Variants in EPC2 observed in about 807,000 individuals in gnomAD.
EPC2 encodes the protein enhancer of polycomb homolog 2.
A neutral mutation model predicts 92.1 loss-of-function variants in EPC2; 14 were observed. The ratio of observed to expected loss-of-function variants is 0.15; its 90% CI spans 0.10 to 0.24. The LOEUF (loss-of-function observed/expected upper bound fraction) is 0.24, where lower values mean the gene tolerates loss of function less well. Ranked by LOEUF, EPC2 falls within the 10% of genes least tolerant of loss-of-function variation. The pLI is 1.00. For missense variants in EPC2, 755 were observed against 971.5 expected (o/e 0.78, Z 2.96); for synonymous variants, 340 against 334.7 (o/e 1.02, Z -0.17).
At chr2:148,732,422 G>T (rs990206242) in intron 2 of EPC2, among the ~76,000 whole-genome samples, 1 of 143,102 alleles carries the variant, frequency 7.0e-6, no homozygotes, top group Non-Finnish European at 1.5e-5. Context: ...ATTCTGTTGC[G>T]TAGGCTAGAG....
chr2:148,769,281 A>C (rs747318630), intron 8 of EPC2, 41 bp downstream of exon 8: 2 of 1,382,538 alleles, frequency 1.4e-6, no homozygotes. Context: ...TGTGAACTGG[A>C]ATTAACAGGT....
At chr2:148,692,140 C>G in intron 2 of EPC2, 1 of 226,806 alleles carries the variant, frequency 4.4e-6, no homozygotes, top group Non-Finnish European at 8.8e-6. Flanking sequence ...CACCTTCTTT[C>G]ATATTTAACA....
At chr2:148,674,638 A>G (rs1212714110) in intron 1 of EPC2, among the ~76,000 whole-genome samples, 5 of 152,228 alleles carry the variant, frequency 3.3e-5, no homozygotes, top group African/African-American at 1.2e-4. Context: ...AATGTTGGAC[A>G]TAGGTTTCAC....
intron 1 of EPC2, among the ~76,000 whole-genome samples, chr2:148,664,452 C>T (rs775120160): frequency 6.6e-6 from 1 of 152,090 alleles, no homozygotes; most frequent in Non-Finnish European, 1.5e-5. Context: ...GAGTTGTGAT[C>T]GCACCGCTGT....
chr2:148,709,733 C>A (rs918359251), intron 2 of EPC2, among the ~76,000 whole-genome samples: 6 of 152,136 alleles, frequency 3.9e-5, no homozygotes, highest in African/African-American at 1.4e-4. Flanking sequence ...CTGACAAAAA[C>A]AAGCAATGGG....
chr2:148,742,784 C>CAAAAAAAA (rs5835210), intron 2 of EPC2, among the ~76,000 whole-genome samples: 1 of 135,104 alleles, frequency 7.4e-6, no homozygotes, highest in Non-Finnish European at 1.5e-5. Context: ...GACCTTGCCT[C>CAAAAAAAA]AAAAAAAAAA....
intron 4 of EPC2, among the ~76,000 whole-genome samples, chr2:148,761,397 T>C (rs972118305): frequency 6.6e-6 from 1 of 152,212 alleles, no homozygotes; most frequent in African/African-American, 2.4e-5. Flanking sequence ...GGACTCATTT[T>C]GACTGTTACC....
chr2:148,740,168 C>G (rs1682854461), intron 2 of EPC2, among the ~76,000 whole-genome samples: 1 of 150,204 alleles, frequency 6.7e-6, no homozygotes, highest in Admixed American at 6.6e-5. Context: ...AAAAGAATCT[C>G]TTCTTATATT....
At position 148,704,528 on chromosome 2, in the gene EPC2, C is replaced by T. The variant is rs114016032; in HGVS notation, c.313+14155C>T. On this transcript the variant is annotated intron_variant, in intron 2 of 13. Transcript: ENST00000258484. Reference sequence around the variant, plus strand: ...GGGTACTTTTATGCTATATGTATTTCAACACAATAAAAAATGAAAAAGGAA... The same window carrying T: ...GGGTACTTTTATGCTATATGTATTTTAACACAATAAAAAATGAAAAAGGAA... Among the ~76,000 whole-genome samples the T allele has an allele frequency of 5.3e-3, 799 of 152,150 alleles. 7 individuals are homozygous for T. Among genetic ancestry groups the T allele is most frequent in the African/African-American group, 0.019 (769 of 41,492 alleles).
At chr2:148,710,532 A>T (rs1682115363) in intron 2 of EPC2, among the ~76,000 whole-genome samples, 1 of 152,234 alleles carries the variant, frequency 6.6e-6, no homozygotes, top group African/African-American at 2.4e-5. Context: ...TCATGCTACT[A>T]TAAAGACACA....
chr2:148,656,005 G>GTT (rs66536555), intron 1 of EPC2, among the ~76,000 whole-genome samples: 30,177 of 75,956 alleles, frequency 0.4, 6,942 homozygotes, highest in Non-Finnish European at 0.5. Flanking sequence ...TGTTAGCTGT[G>GTT]TGTGTGTGTG....
chr2:148,671,288 T>G (rs1288792890), intron 1 of EPC2, among the ~76,000 whole-genome samples: 3 of 94,492 alleles, frequency 3.2e-5, no homozygotes, highest in Admixed American at 9.0e-5. Flanking sequence ...TGGATTGTGA[T>G]TTTTTTTTTT....
At chr2:148,746,529 A>G (rs1682988088) in intron 3 of EPC2, among the ~76,000 whole-genome samples, 1 of 152,130 alleles carries the variant, frequency 6.6e-6, no homozygotes. Flanking sequence ...TTGATTTAGT[A>G]TCTTCTTTCC....
chr2:148,672,513 G>T (rs1307777598), intron 1 of EPC2, among the ~76,000 whole-genome samples: 1 of 152,084 alleles, frequency 6.6e-6, no homozygotes, highest in Non-Finnish European at 1.5e-5. Context: ...TATTTGTGGT[G>T]TGATCATCAT....
intron 2 of EPC2, among the ~76,000 whole-genome samples, chr2:148,714,381 A>G (rs1203498495): frequency 1.3e-5 from 2 of 152,008 alleles, no homozygotes; most frequent in African/African-American, 4.8e-5. Context: ...ACATGCATTC[A>G]TGTATCTTTA....
intron 2 of EPC2, among the ~76,000 whole-genome samples, chr2:148,718,322 GCTTCATAGGGACTGAT>G (rs1331270667): frequency 2.0e-5 from 3 of 151,900 alleles, no homozygotes; most frequent in Admixed American, 1.3e-4. Context: ...TTATGTGCTT[GCTTCATAGGGACTGAT>G]CTGTGTACTT....
At chr2:148,773,197 G>A (rs1165813941) in intron 10 of EPC2, among the ~76,000 whole-genome samples, 1 of 151,918 alleles carries the variant, frequency 6.6e-6, no homozygotes, top group Non-Finnish European at 1.5e-5. Context: ...GACTTAAATA[G>A]TTCCATTATA....
At chr2:148,712,490 C>T (rs1052191417) in intron 2 of EPC2, among the ~76,000 whole-genome samples, 1 of 152,092 alleles carries the variant, frequency 6.6e-6, no homozygotes, top group Non-Finnish European at 1.5e-5. Context: ...ATAATGGAAC[C>T]GAAAAATTCT....
Position 148,744,427 on chromosome 2 carries a change from C to T in EPC2, c.459+660C>T, listed in dbSNP as rs143382535. Among the ~76,000 whole-genome samples, 630 of 152,120 alleles carry T rather than the reference C, an allele frequency of 4.1e-3. 3 individuals carry two copies. The highest frequency in any genetic ancestry group is 0.015 in the African/African-American group (612 of 41,524). On this transcript the variant is annotated intron_variant, in intron 3 of 13. Coordinates refer to ENST00000258484, the MANE Select transcript of EPC2 (RefSeq NM_015630.4). Reference sequence around the variant, plus strand: ...ATAAATAAGATGTCTCTGAGGTAGACTATAACACAGGCATTAAAATCATGA... The same window carrying T: ...ATAAATAAGATGTCTCTGAGGTAGATTATAACACAGGCATTAAAATCATGA...
Sources: allele counts gnomAD v4.1 joint callset (sites outside exome capture counted in the v4.1 genomes callset), GRCh38; gene constraint gnomAD v4.1.1; transcripts MANE v1.5; gene names NCBI Gene and HGNC (gene_info 2026-07-23, HGNC 2026-07-21).